The following SLC38A6 variants were observed in gnomAD, a reference collection of about 807,000 sequenced individuals.
SLC38A6 encodes N system amino acid transporter NAT-1.
SLC38A6 carries 73 observed loss-of-function variants against 65.0 expected under a neutral mutation model. The ratio of observed to expected loss-of-function variants is 1.12; its 90% confidence interval spans 0.93 to 1.37. SLC38A6 has a LOEUF of 1.37. SLC38A6 is among the 40% of genes most tolerant of loss of function. The probability of loss-of-function intolerance (pLI) is 0.00; values close to 1 mark genes in which losing one functional copy is unlikely to be tolerated. For synonymous variants in SLC38A6, 183 were observed against 178.8 expected (o/e 1.02, Z -0.19); for missense variants, 561 against 531.1 (o/e 1.06, Z -0.55).
At chr14:61,010,042 T>G (rs2039436755) in intron 3 of SLC38A6, among the ~76,000 whole-genome samples, 1 of 152,214 alleles carries the variant, frequency 6.6e-6, no homozygotes, top group Non-Finnish European at 1.5e-5. Context: ...CTCCAGCACC[T>G]GTTGTTTCCT....
At chr14:60,988,213 T>C (rs1480246171) in intron 3 of SLC38A6, among the ~76,000 whole-genome samples, 1 of 152,226 alleles carries the variant, frequency 6.6e-6, no homozygotes, top group African/African-American at 2.4e-5. Flanking sequence ...AATTTGAAGA[T>C]GGTATAGGTG....
intron 16 of SLC38A6, among the ~76,000 whole-genome samples, chr14:61,080,955 T>G (rs1293571877): frequency 6.6e-6 from 1 of 152,220 alleles, no homozygotes; most frequent in African/African-American, 2.4e-5. Flanking sequence ...AGGTTCACAT[T>G]GTTGAGTCTT....
rs529477412 is a variant in SLC38A6, at chr14:60,989,158, C to T, written c.310+4355C>T. On this transcript the variant is annotated intron_variant, in intron 3 of 15. Coordinates refer to ENST00000267488, the MANE Select transcript of SLC38A6 (RefSeq NM_153811.3). ...AGAATTTTATAAGCTCTTGCCACCA[C>T]TTATTTATCTGTGCCTATATACTCT... is the stretch of plus-strand genomic sequence containing the variant. 2.6e-5 allele frequency among the ~76,000 whole-genome samples: 4 copies of T among 152,284 alleles called. No homozygotes were observed. The East Asian group carries it at 5.8e-4, about 22-fold the overall frequency.
Position 61,015,972 on chromosome 14 carries a change from C to T in SLC38A6, c.363+16C>T, listed in dbSNP as rs1269768139. The T allele has an allele frequency of 5.0e-6, 8 of 1,598,502 alleles. No individual in the cohort carries two copies. Among genetic ancestry groups the T allele is most frequent in the East Asian group, 2.3e-5 (1 of 44,434 alleles). ...ACCTGGAAAGGTAATTTTTTTTCCT[C>T]CTCATTGTGTCCAAAACCCAAAGTG... is the stretch of plus-strand genomic sequence containing the variant. On this transcript the variant is annotated intron_variant, in intron 4 of 15. Transcript: ENST00000267488.
chr14:60,984,902 A>G (rs2037340087), intron 3 of SLC38A6, 99 bp downstream of exon 3: 1 of 1,125,156 alleles, frequency 8.9e-7, no homozygotes, highest in African/African-American at 1.5e-5. Flanking sequence ...TCCAGTGAGC[A>G]TACATTTTTA....
chr14:61,009,616 G>A (rs1377012004), intron 3 of SLC38A6, among the ~76,000 whole-genome samples: 1 of 151,266 alleles, frequency 6.6e-6, no homozygotes, highest in Non-Finnish European at 1.5e-5. Flanking sequence ...CCACCTATGA[G>A]TGAGAACATG....
chr14:61,044,777 A>C (rs1409408835), intron 10 of SLC38A6, among the ~76,000 whole-genome samples: 1 of 152,188 alleles, frequency 6.6e-6, no homozygotes, highest in Non-Finnish European at 1.5e-5. Context: ...GGATCTCTTA[A>C]GAGTTTGTAG....
At chr14:61,004,803 T>C (rs2038971411) in intron 3 of SLC38A6, among the ~76,000 whole-genome samples, 2 of 151,922 alleles carry the variant, frequency 1.3e-5, no homozygotes, top group African/African-American at 2.4e-5. Context: ...TTCCAATCAA[T>C]AGAAAAAGAG....
At chr14:61,038,393 T>A (rs2041545702) in intron 8 of SLC38A6, among the ~76,000 whole-genome samples, 1 of 152,134 alleles carries the variant, frequency 6.6e-6, no homozygotes, top group African/African-American at 2.4e-5. Flanking sequence ...ATTTTTTAAG[T>A]CTTTTTTCTT....
intron 15 of SLC38A6, among the ~76,000 whole-genome samples, chr14:61,063,422 A>G (rs2042921078): frequency 1.3e-5 from 2 of 152,164 alleles, no homozygotes; most frequent in African/African-American, 2.4e-5. Flanking sequence ...GATCATTTCT[A>G]TAATATTTTG....
At chr14:61,048,228 G>A (rs758636809) in intron 12 of SLC38A6, 1 of 424,624 alleles carries the variant, frequency 2.4e-6, no homozygotes, top group Non-Finnish European at 4.6e-6. Context: ...TCAACTTAAG[G>A]CTTCCAATTC....
chr14:60,989,762 G>A (rs1374969157), intron 3 of SLC38A6, among the ~76,000 whole-genome samples: 1 of 152,228 alleles, frequency 6.6e-6, no homozygotes, highest in South Asian at 2.1e-4. Context: ...GATGTCTCCA[G>A]TTCCTCTCCT....
intron 3 of SLC38A6, among the ~76,000 whole-genome samples, chr14:60,992,332 G>C (rs564823697): frequency 6.6e-6 from 1 of 151,892 alleles, no homozygotes; most frequent in Non-Finnish European, 1.5e-5. Context: ...TTCCTGTACC[G>C]TACCTCCGTG....
intron 3 of SLC38A6, among the ~76,000 whole-genome samples, chr14:61,000,538 G>A (rs2038635080): frequency 6.6e-6 from 1 of 152,184 alleles, no homozygotes; most frequent in Non-Finnish European, 1.5e-5. Flanking sequence ...GCCCGAGTCA[G>A]GAGAATCGCT....
chr14:61,020,081 C>T (rs545404900), intron 5 of SLC38A6, among the ~76,000 whole-genome samples: 1 of 152,034 alleles, frequency 6.6e-6, no homozygotes, highest in Non-Finnish European at 1.5e-5. Context: ...TCACATTTAT[C>T]CTGTATCTTG....
chr14:61,012,196 T>G (rs1373996047), intron 3 of SLC38A6, among the ~76,000 whole-genome samples: 32 of 152,190 alleles, frequency 2.1e-4, no homozygotes, highest in Admixed American at 4.6e-4. Flanking sequence ...ATTCTCTGAT[T>G]GTAGTTTGTA....
chr14:61,064,673 A>T (rs925639179), intron 15 of SLC38A6, among the ~76,000 whole-genome samples: 3 of 150,622 alleles, frequency 2.0e-5, no homozygotes, highest in Non-Finnish European at 4.4e-5. Flanking sequence ...ACCAAAAAAA[A>T]CCTTGTTCAA....
intron 15 of SLC38A6, among the ~76,000 whole-genome samples, chr14:61,062,092 A>G (rs2042865724): frequency 6.6e-6 from 1 of 151,592 alleles, no homozygotes; most frequent in Non-Finnish European, 1.5e-5. Context: ...ATCCGCCTCG[A>G]CCTCCCAAAG....
chr14:61,040,582 G>A (rs539257084), intron 8 of SLC38A6, among the ~76,000 whole-genome samples: 27 of 151,976 alleles, frequency 1.8e-4, no homozygotes, highest in African/African-American at 2.7e-4. Flanking sequence ...CTCATGATCC[G>A]CCCGCCTGGG....
Sources: gnomAD v4.1 joint callset for allele counts (sites outside exome capture counted in the v4.1 genomes callset) on GRCh38, gnomAD v4.1.1 for gene constraint, MANE v1.5 for transcripts, NCBI Gene and HGNC (gene_info 2026-07-23, HGNC 2026-07-21) for gene names.